ADARB1: variants seen among roughly 807,000 people sequenced by gnomAD.
ADARB1 encodes double-stranded RNA-specific editase 1.
In ADARB1, 10 loss-of-function variants were observed where a neutral mutation model predicts 52.4. That is an observed-to-expected ratio of 0.19 (90% CI 0.12 to 0.32). ADARB1 has a LOEUF of 0.32. Ranked by LOEUF, ADARB1 falls within the 10% of genes least tolerant of loss-of-function variation. ADARB1 has a pLI of 1.00. For missense variants in ADARB1, 643 were observed against 922.3 expected, an observed-to-expected ratio of 0.70 and a Z score of 3.92; for synonymous variants, 349 against 371.1, an observed-to-expected ratio of 0.94 and a Z score of 0.68.
intron 9 of ADARB1, among the ~76,000 whole-genome samples, chr21:45,217,117 T>C (rs1312519428): frequency 6.6e-6 from 1 of 152,032 alleles, no homozygotes; most frequent in Non-Finnish European, 1.5e-5. Flanking sequence ...TATATTTATA[T>C]ATATTTATAT....
intron 1 of ADARB1, among the ~76,000 whole-genome samples, chr21:45,111,955 C>T (rs2087561278): frequency 6.6e-6 from 1 of 152,196 alleles, no homozygotes. Flanking sequence ...CACTCAACTG[C>T]CTGCTTTCAC....
chr21:45,130,155 G>A (rs966639326), intron 2 of ADARB1, among the ~76,000 whole-genome samples: 43 of 152,344 alleles, frequency 2.8e-4, no homozygotes, highest in African/African-American at 1.0e-3. Context: ...TGAAAGAGAC[G>A]TTGTGGTTTA....
intron 2 of ADARB1, among the ~76,000 whole-genome samples, chr21:45,164,408 C>T (rs1044230328): frequency 6.6e-6 from 1 of 151,912 alleles, no homozygotes; most frequent in African/African-American, 2.4e-5. Context: ...GCAGGCATGG[C>T]GCCCGGGGTG....
At chr21:45,102,705 A>G (rs908902300) in intron 1 of ADARB1, among the ~76,000 whole-genome samples, 3 of 152,240 alleles carry the variant, frequency 2.0e-5, no homozygotes, top group Non-Finnish European at 4.4e-5. Flanking sequence ...GAGATAAATA[A>G]ATATCCATGA....
At chr21:45,182,811 A>G in intron 6 of ADARB1, 58 bp downstream of exon 6, 1 of 1,423,934 alleles carries the variant, frequency 7.0e-7, no homozygotes, top group Non-Finnish European at 9.4e-7. Flanking sequence ...TTCCTCTATT[A>G]GAAAACATTG....
Position 45,209,242 on chromosome 21 carries a change from T to C in ADARB1, c.1747+4506T>C, listed in dbSNP as rs566249007. Among the ~76,000 whole-genome samples, 4 of 152,332 alleles carry C rather than the reference T, an allele frequency of 2.6e-5. No homozygotes were observed. In the East Asian group the frequency reaches 7.7e-4, roughly 29 times the overall value. ...TAGAAACTCATTTTATCGTGCTTTT[T>C]TTTTAAAAGCCTTTCGTAATGAGTC... On this transcript the variant is annotated intron_variant, in intron 9 of 10. Coordinates refer to ENST00000348831, the MANE Select transcript of ADARB1 (RefSeq NM_001112.4).
At chr21:45,153,302 G>C (rs527406644) in intron 2 of ADARB1, among the ~76,000 whole-genome samples, 1 of 150,502 alleles carries the variant, frequency 6.6e-6, no homozygotes, top group East Asian at 1.9e-4. Context: ...ACAAGCTACT[G>C]GTTTTTGGAC....
At chr21:45,084,909 G>A (rs1279990510) in intron 1 of ADARB1, among the ~76,000 whole-genome samples, 2 of 152,158 alleles carry the variant, frequency 1.3e-5, no homozygotes. Context: ...ATCTTTTCAA[G>A]AATGTAAAGT....
chr21:45,208,416 G>A lies in ADARB1; in HGVS notation c.1747+3680G>A, dbSNP rs1203704955. On this transcript the variant is annotated intron_variant, in intron 9 of 10. Transcript: ENST00000348831. The surrounding 1 kb of genome is among the most constrained non-coding windows in gnomAD (Gnocchi z 5.6). ...AGAGCTTGCATTTAGGTATCTCTGG[G>A]AGGACAGCACAGGGACCCAAGGGGG... is the stretch of plus-strand genomic sequence containing the variant. 1.3e-5 allele frequency among the ~76,000 whole-genome samples: 2 copies of A among 152,222 alleles called. No individual in the cohort carries two copies. The highest frequency in any genetic ancestry group is 2.9e-5 in the Non-Finnish European group (2 of 68,042).
rs1313554197 is a variant in ADARB1, at chr21:45,225,454, T to C, written c.*3257T>C. On this transcript the variant is annotated 3_prime_UTR_variant, in exon 11 of 11. Coordinates refer to ENST00000348831, the MANE Select transcript of ADARB1 (RefSeq NM_001112.4). ...TCACAAGGCATGGATTTCTGTGGAA[T>C]TTATTTTTATTCAAATAACCATATT... The C allele has an allele frequency of 1.5e-6, 2 of 1,307,714 alleles. No homozygotes were observed. The highest frequency in any genetic ancestry group is 2.8e-5 in the East Asian group (1 of 35,718). The allele number at this position is 1,307,714 out of a possible 1,614,324, so 81.0% of individuals were successfully genotyped here. A position where few individuals can be genotyped will look rare whatever the true frequency, so the allele number is the denominator to read the frequency against.
chr21:45,144,421 A>G (rs556035726), intron 2 of ADARB1, among the ~76,000 whole-genome samples: 36 of 152,370 alleles, frequency 2.4e-4, no homozygotes, highest in Non-Finnish European at 2.9e-5. Flanking sequence ...ATTAACTTGC[A>G]AAGACATGGC....
In ADARB1 at chr21:45,225,321, A is replaced by C; in HGVS notation, c.*3124A>C. On this transcript the variant is annotated 3_prime_UTR_variant, in exon 11 of 11. Transcript: ENST00000348831. ...TCTTCCCAGCAAGGGACGCCAAAGA[A>C]CTGCAGTTTTTATTCTGAGTCTTAA... 11 of 1,195,508 alleles carry C rather than the reference A, an allele frequency of 9.2e-6. No individual in the cohort carries two copies. Among genetic ancestry groups the C allele is most frequent in the East Asian group, 3.5e-5 (1 of 28,608 alleles). The allele number at this position is 1,195,508 out of a possible 1,614,324, so 74.1% of individuals were successfully genotyped here. A position where few individuals can be genotyped will look rare whatever the true frequency, so the allele number is the denominator to read the frequency against.
At chr21:45,186,023 A>G (rs964339917) in intron 8 of ADARB1, among the ~76,000 whole-genome samples, 3 of 152,216 alleles carry the variant, frequency 2.0e-5, no homozygotes, top group Admixed American at 6.5e-5. Flanking sequence ...CCCACAGCCC[A>G]GGTGACCACT....
Position 45,088,628 on chromosome 21 carries a change from G to A in ADARB1, c.-220+13835G>A, listed in dbSNP as rs1045280710. On this transcript the variant is annotated intron_variant, in intron 1 of 10. Transcript: ENST00000348831. ...GAAATAGTTACTTCAGGTGAGTTCC[G>A]CGGGAGGATGCTGATTAGTGGGCCA... Among the ~76,000 whole-genome samples, 6 of 152,356 alleles carry A rather than the reference G, an allele frequency of 3.9e-5. No homozygotes were observed. In the South Asian group the frequency reaches 6.2e-4, roughly 16 times the overall value.
chr21:45,165,827 T>C (rs1401241148), intron 2 of ADARB1, among the ~76,000 whole-genome samples: 1 of 143,230 alleles, frequency 7.0e-6, no homozygotes, highest in Admixed American at 7.0e-5. Flanking sequence ...ATACCGTTTC[T>C]TTTTTTTTTT....
At chr21:45,112,401 C>T (rs558131825) in intron 1 of ADARB1, among the ~76,000 whole-genome samples, 9 of 152,110 alleles carry the variant, frequency 5.9e-5, no homozygotes, top group Non-Finnish European at 1.2e-4. Context: ...ACACAAGGCC[C>T]TTGGTGGACT....
chr21:45,132,860 C>T (rs898986548), intron 2 of ADARB1, among the ~76,000 whole-genome samples: 1 of 152,180 alleles, frequency 6.6e-6, no homozygotes, highest in African/African-American at 2.4e-5. Flanking sequence ...GCAGAGTCTA[C>T]TGGATTTAGG....
In ADARB1 at chr21:45,142,831, A is replaced by G. The variant is rs1461419863; in HGVS notation, c.-48+14258A>G. On this transcript the variant is annotated intron_variant, in intron 2 of 10. Transcript: ENST00000348831. The surrounding 1 kb of genome is among the most constrained non-coding windows in gnomAD (Gnocchi z 4.0). Reference sequence around the variant, plus strand: ...GGGCCCAGAAGGTAAGAAATTGCCTACGGCCCTTGGCTAATAGAAGAGGGA... The same window carrying G: ...GGGCCCAGAAGGTAAGAAATTGCCTGCGGCCCTTGGCTAATAGAAGAGGGA... Among the ~76,000 whole-genome samples the G allele has an allele frequency of 1.3e-5, 2 of 152,194 alleles. No homozygotes were observed. The highest frequency in any genetic ancestry group is 1.9e-4 in the East Asian group (1 of 5,192).
At chr21:45,165,009 G>A (rs2091185404) in intron 2 of ADARB1, among the ~76,000 whole-genome samples, 1 of 152,196 alleles carries the variant, frequency 6.6e-6, no homozygotes, top group Non-Finnish European at 1.5e-5. Context: ...AGGTGAACAA[G>A]GAGTTGGCCT....
Sources: gnomAD v4.1 joint callset for allele counts (sites outside exome capture counted in the v4.1 genomes callset) on GRCh38, gnomAD v4.1.1 for gene constraint, Gnocchi (gnomAD v3.1) non-coding constraint, MANE v1.5 for transcripts, NCBI Gene and HGNC (gene_info 2026-07-23, HGNC 2026-07-21) for gene names.